Variants in PCDHA1 observed in about 807,000 individuals in gnomAD.
PCDHA1 encodes the protein protocadherin alpha 1, also known as protocadherin alpha-1.
Under a neutral mutation model 61.3 loss-of-function variants are expected in PCDHA1, and 42 were observed. That is an observed-to-expected ratio of 0.69 (90% CI 0.54 to 0.89). PCDHA1 has a LOEUF of 0.89. PCDHA1 is among the 40% of genes least tolerant of loss of function. The probability of loss-of-function intolerance (pLI) is 0.00; values close to 1 mark genes in which losing one functional copy is unlikely to be tolerated. For missense variants in PCDHA1, 1,256 were observed against 1,235.3 expected (o/e 1.02, Z -0.25); for synonymous variants, 610 against 553.8 (o/e 1.10, Z -1.43).
At chr5:140,876,705 C>A (rs369536692) in intron 1 of PCDHA1, 2 of 1,614,122 alleles carry the variant, frequency 1.2e-6, no homozygotes, top group Non-Finnish European at 1.7e-6. Context: ...TGCTGGACAG[C>A]GCCCTGGACC....
chr5:140,883,710 A>C (rs782592824), intron 1 of PCDHA1: 1 of 1,613,516 alleles, frequency 6.2e-7, no homozygotes, highest in South Asian at 1.1e-5. Context: ...TCTGCTCAGG[A>C]CGCGGACGCA....
chr5:140,883,559 G>A (rs2059672435), intron 1 of PCDHA1: 5 of 1,614,074 alleles, frequency 3.1e-6, no homozygotes, highest in Non-Finnish European at 4.2e-6. Context: ...GCGGGACGGG[G>A]GCTCGCCTTC....
chr5:140,923,297 G>C (rs1554201355), intron 1 of PCDHA1, among the ~76,000 whole-genome samples: 1 of 152,186 alleles, frequency 6.6e-6, no homozygotes, highest in African/African-American at 2.4e-5. Flanking sequence ...AATTAGCTGG[G>C]CGTGGGGGCG....
chr5:140,951,762 A>G (rs2094630710), intron 1 of PCDHA1, among the ~76,000 whole-genome samples: 1 of 152,090 alleles, frequency 6.6e-6, no homozygotes, highest in Non-Finnish European at 1.5e-5. Flanking sequence ...GCGAAATCTC[A>G]TGACGTTCTT....
chr5:141,006,338 A>G (rs1201287903), intron 3 of PCDHA1, among the ~76,000 whole-genome samples: 13 of 151,820 alleles, frequency 8.6e-5, no homozygotes, highest in African/African-American at 3.1e-4. Flanking sequence ...CAGCCTCCTG[A>G]GTAGCTGGGA....
intron 1 of PCDHA1, chr5:140,817,435 G>C (rs1554127267): frequency 6.6e-6 from 1 of 152,150 alleles, no homozygotes; most frequent in East Asian, 1.9e-4. Flanking sequence ...GGAGGGTCTG[G>C]GGATTCCTAT....
intron 1 of PCDHA1, among the ~76,000 whole-genome samples, chr5:140,893,780 C>T (rs966071281): frequency 4.6e-5 from 7 of 151,980 alleles, no homozygotes; most frequent in Admixed American, 6.6e-5. Context: ...TTTCTTTTAC[C>T]GTTTTTAGAA....
chr5:140,956,644 C>G (rs2095298403), intron 1 of PCDHA1, among the ~76,000 whole-genome samples: 1 of 152,096 alleles, frequency 6.6e-6, no homozygotes, highest in Non-Finnish European at 1.5e-5. Flanking sequence ...GTTTTGGTAT[C>G]AGGATGATGC....
At chr5:140,925,971 A>C (rs2082843743) in intron 1 of PCDHA1, among the ~76,000 whole-genome samples, 1 of 152,190 alleles carries the variant, frequency 6.6e-6, no homozygotes, top group African/African-American at 2.4e-5. Flanking sequence ...ACGCAAAAAA[A>C]AAGCCTTGAG....
chr5:140,984,641 C>T (rs2153834832), intron 3 of PCDHA1, among the ~76,000 whole-genome samples: 1 of 152,276 alleles, frequency 6.6e-6, no homozygotes, highest in South Asian at 2.1e-4. Context: ...TCTCTGCCTT[C>T]TCCCTGTCCT....
chr5:141,008,838 G>A (rs555239899), intron 3 of PCDHA1, among the ~76,000 whole-genome samples: 2 of 152,192 alleles, frequency 1.3e-5, no homozygotes, highest in South Asian at 2.1e-4. Context: ...ATCCTCTTAC[G>A]CTGTGTATTC....
intron 1 of PCDHA1, chr5:140,817,686 C>G (rs2150098767): frequency 6.6e-6 from 1 of 152,170 alleles, no homozygotes; most frequent in African/African-American, 2.4e-5. Flanking sequence ...GTTCTAGACA[C>G]ACAGTACATT....
rs781849897 is a variant in PCDHA1 at position 140,786,307 on chromosome 5, G to A, written c.17G>A (p.Arg6Lys). ...CCTTTTGCAATGGTGTTTTCTAGGA[G>A]AGGGGGCCTGGGAGCCCGGGATCTG... MVFSR[R>K]GGLGARDLLL... Residue 6 changes from arginine (R) to lysine (K), a missense_variant, in exon 1 of 4, where the codon AGA becomes AAA. Coordinates refer to ENST00000504120, the MANE Select transcript of PCDHA1 (RefSeq NM_018900.4). 6.2e-6 allele frequency: 10 copies of A among 1,608,582 alleles called. No individual in the cohort carries two copies. Among genetic ancestry groups the A allele is most frequent in the Middle Eastern group, 1.7e-4 (1 of 5,940 alleles).
intron 3 of PCDHA1, among the ~76,000 whole-genome samples, chr5:141,008,045 CAG>C (rs1416741468): frequency 2.0e-5 from 3 of 151,924 alleles, no homozygotes; most frequent in South Asian, 2.1e-4. Context: ...CCTTTTGTAA[CAG>C]GGGTCCAGTC....
chr5:141,009,760 A>T lies in PCDHA1; in HGVS notation c.2676A>T (p.Gly892=), dbSNP rs782167920. The change falls in exon 4 of 4, where the codon GGA becomes GGT. Residue 892 remains glycine, a synonymous_variant. Transcript: ENST00000504120. ...TGCCCGACAAATTCATTATCCCAGG[A>T]TCTCCTGCAATCATCTCCATCCGGC... ...GELPDKFIIP[G]SPAIISIRQE... is the part of the protein sequence containing the mutation. 1.9e-6 allele frequency: 3 copies of T among 1,614,130 alleles called. No individual in the cohort carries two copies. Among genetic ancestry groups the T allele is most frequent in the Admixed American group, 3.3e-5 (2 of 60,020 alleles).
chr5:140,944,999 G>A (rs2093721816), intron 1 of PCDHA1, among the ~76,000 whole-genome samples: 1 of 151,896 alleles, frequency 6.6e-6, no homozygotes, highest in Non-Finnish European at 1.5e-5. Context: ...TAACGGTTGT[G>A]GGTCATGAAT....
intron 1 of PCDHA1, among the ~76,000 whole-genome samples, chr5:140,945,046 A>T (rs2093731107): frequency 6.6e-6 from 1 of 152,192 alleles, no homozygotes; most frequent in Non-Finnish European, 1.5e-5. Flanking sequence ...TTGGTCTTAT[A>T]TAAAGAAAAC....
At position 141,012,295 on chromosome 5, in the gene PCDHA1, T is replaced by C. The variant is rs2098423507; in HGVS notation, c.*2358T>C. ...GTCATGTGGATTCATTTTGAATTGG[T>C]GCTATTGGTATTTCCTCTGTTATTG... On this transcript the variant is annotated 3_prime_UTR_variant, in exon 4 of 4. Coordinates refer to ENST00000504120, the MANE Select transcript of PCDHA1 (RefSeq NM_018900.4). 6.5e-6 allele frequency: 1 copy of C among 153,776 alleles called. No homozygotes were observed. The highest frequency in any genetic ancestry group is 2.4e-5 in the African/African-American group (1 of 41,466). 9.5% of individuals were successfully genotyped at this position (153,776 alleles called of 1,614,324 possible).
intron 1 of PCDHA1, chr5:140,836,280 A>T: frequency 6.2e-7 from 1 of 1,613,762 alleles, no homozygotes; most frequent in South Asian, 1.1e-5. Flanking sequence ...TGAGATCAGC[A>T]CGACACGAGC....
Sources: gnomAD v4.1 joint callset for allele counts (sites outside exome capture counted in the v4.1 genomes callset) on GRCh38, gnomAD v4.1.1 for gene constraint, MANE v1.5 for transcripts, NCBI Gene and HGNC (gene_info 2026-07-23, HGNC 2026-07-21) for gene names.